The following GRIP1 variants were observed in gnomAD, a reference collection of about 807,000 sequenced individuals.
The protein encoded by GRIP1 is glutamate receptor-interacting protein 1.
GRIP1 carries 45 observed loss-of-function variants against 129.9 expected under a neutral mutation model. That is an observed-to-expected ratio of 0.35 (90% CI 0.27 to 0.44). The LOEUF is 0.44. Among genes scored for constraint, GRIP1 ranks in the 20% least tolerant of loss-of-function variants. The pLI is 1.00. For synonymous variants in GRIP1, 530 were observed against 520.8 expected, an observed-to-expected ratio of 1.02 and a Z score of -0.24; for missense variants, 1,196 against 1,396.8, an observed-to-expected ratio of 0.86 and a Z score of 2.29.
chr12:66,885,309 C>T (rs2137208434), intron 1 of GRIP1, among the ~76,000 whole-genome samples: 1 of 152,280 alleles, frequency 6.6e-6, no homozygotes, highest in African/African-American at 2.4e-5. Flanking sequence ...CACACCAGTT[C>T]CCCTTGGCAC....
At chr12:66,610,236 A>G (rs1038623926) in intron 1 of GRIP1, among the ~76,000 whole-genome samples, 1 of 152,160 alleles carries the variant, frequency 6.6e-6, no homozygotes, top group African/African-American at 2.4e-5. Flanking sequence ...GCATATATAT[A>G]TATAAACACA....
intron 14 of GRIP1, among the ~76,000 whole-genome samples, chr12:66,432,124 T>C (rs2058166727): frequency 6.6e-6 from 1 of 152,074 alleles, no homozygotes; most frequent in African/African-American, 2.4e-5. Flanking sequence ...ATAATATATA[T>C]TATACGATAT....
intron 16 of GRIP1, among the ~76,000 whole-genome samples, chr12:66,395,144 G>T (rs797010231): frequency 7.9e-5 from 12 of 152,308 alleles, no homozygotes; most frequent in African/African-American, 2.6e-4. Flanking sequence ...TAAAGCACTG[G>T]CCAGAAAGAT....
intron 1 of GRIP1, among the ~76,000 whole-genome samples, chr12:66,950,293 C>T (rs1048297148): frequency 6.6e-6 from 1 of 152,138 alleles, no homozygotes; most frequent in Non-Finnish European, 1.5e-5. Context: ...AGCTAGTGTA[C>T]AATTTATACT....
At chr12:66,735,178 G>A (rs1280285172) in intron 1 of GRIP1, among the ~76,000 whole-genome samples, 1 of 152,162 alleles carries the variant, frequency 6.6e-6, no homozygotes, top group Non-Finnish European at 1.5e-5. Flanking sequence ...ATTTATAGGA[G>A]CGTGATTGTT....
At chr12:66,970,991 C>G (rs2042067752) in intron 1 of GRIP1, among the ~76,000 whole-genome samples, 1 of 152,114 alleles carries the variant, frequency 6.6e-6, no homozygotes, top group African/African-American at 2.4e-5. Context: ...TATCTTGGCT[C>G]TTTGCTGTGA....
At chr12:66,785,718 C>T (rs557944593) in intron 1 of GRIP1, among the ~76,000 whole-genome samples, 131 of 152,022 alleles carry the variant, frequency 8.6e-4, no homozygotes, top group Non-Finnish European at 1.5e-3. Flanking sequence ...TAAAATAAAG[C>T]CAAACAAAAC....
intron 15 of GRIP1, among the ~76,000 whole-genome samples, chr12:66,413,270 A>C (rs190687739): frequency 6.6e-5 from 10 of 152,280 alleles, no homozygotes; most frequent in African/African-American, 2.4e-4. Flanking sequence ...AGACCACAGC[A>C]CAATCAAATT....
intron 1 of GRIP1, among the ~76,000 whole-genome samples, chr12:66,830,582 C>T (rs1442450634): frequency 6.6e-6 from 1 of 152,196 alleles, no homozygotes; most frequent in Non-Finnish European, 1.5e-5. Context: ...GATGAAACCC[C>T]TTTCAGACTT....
chr12:66,925,859 G>A (rs989070246), intron 1 of GRIP1, among the ~76,000 whole-genome samples: 5 of 152,136 alleles, frequency 3.3e-5, no homozygotes, highest in Non-Finnish European at 7.4e-5. Flanking sequence ...GGTCAGGCTG[G>A]TCTCAAACTC....
intron 1 of GRIP1, among the ~76,000 whole-genome samples, chr12:67,036,851 C>T (rs993862460): frequency 2.0e-5 from 3 of 152,094 alleles, no homozygotes; most frequent in African/African-American, 7.2e-5. Context: ...GCCTCTCAAC[C>T]TCCTCCTGCC....
At chr12:66,912,513 G>T (rs1257241625) in intron 1 of GRIP1, among the ~76,000 whole-genome samples, 1 of 152,020 alleles carries the variant, frequency 6.6e-6, no homozygotes, top group Non-Finnish European at 1.5e-5. Context: ...AATTATATTT[G>T]ATTCATATCT....
chr12:66,794,277 G>A (rs2038633044), intron 1 of GRIP1, among the ~76,000 whole-genome samples: 1 of 152,138 alleles, frequency 6.6e-6, no homozygotes, highest in African/African-American at 2.4e-5. Flanking sequence ...GGTTTCTGTG[G>A]GTGGCTTATG....
chr12:66,948,473 T>C (rs1450644411), intron 1 of GRIP1, among the ~76,000 whole-genome samples: 1 of 152,154 alleles, frequency 6.6e-6, no homozygotes. Context: ...AAAAAGATAC[T>C]CAAGATGAAT....
In GRIP1 at chr12:66,813,313, A is replaced by G. The variant is rs1190583802; in HGVS notation, c.59-216386T>C. Among the ~76,000 whole-genome samples, 5 of 152,186 alleles carry G rather than the reference A, an allele frequency of 3.3e-5. No homozygotes were observed. The East Asian group carries it at 7.7e-4, about 23-fold the overall frequency. ...GAACTAATAGAGAGAGAACTCACTC[A>G]TCACCAAAGAATGACACTAAGCCAT... On this transcript the variant is annotated intron_variant, in intron 1 of 1. Transcript: ENST00000643019.
At chr12:66,893,296 GAGTAC>G (rs769224689) in intron 1 of GRIP1, among the ~76,000 whole-genome samples, 24 of 150,544 alleles carry the variant, frequency 1.6e-4, no homozygotes, top group Non-Finnish European at 3.2e-4. Context: ...TGCCCAGGCT[GAGTAC>G]AGTGGTGCGA....
chr12:66,455,459 C>G lies in GRIP1; in HGVS notation c.1304G>C (p.Arg435Pro), dbSNP rs201531171. 5 of 1,614,108 alleles carry G rather than the reference C, an allele frequency of 3.1e-6. No individual in the cohort carries two copies. The highest frequency in any genetic ancestry group is 4.2e-6 in the Non-Finnish European group (5 of 1,179,988). Residue 435 changes from arginine to proline, a missense_variant, in exon 11 of 25, where the codon CGT becomes CCT. Transcript: ENST00000359742. ...LPRSLYSTSPRGTMMRRRLKK... is the reference protein window; with the variant it reads ...LPRSLYSTSPPGTMMRRRLKK... Reference sequence around the variant, plus strand: ...CAGTCTCCTCCTCATCATGGTTCCACGTGGGCTGGTGGAGTAGAGGCTTCG... The same window carrying G: ...CAGTCTCCTCCTCATCATGGTTCCAGGTGGGCTGGTGGAGTAGAGGCTTCG...
chr12:67,048,981 C>T (rs1273384771), intron 1 of GRIP1, among the ~76,000 whole-genome samples: 3 of 152,048 alleles, frequency 2.0e-5, no homozygotes, highest in Admixed American at 6.6e-5. Flanking sequence ...TGTACTCCCA[C>T]ACCTGGCTAA....
In GRIP1 at chr12:66,425,551, A is replaced by G. The variant is rs192254468; in HGVS notation, c.1769-4762T>C. On this transcript the variant is annotated intron_variant, in intron 14 of 24. Coordinates refer to ENST00000359742, the MANE Select transcript of GRIP1 (RefSeq NM_001366722.1). ...ATGTTTATTGGGCACTATTCAGGATAGCAAAGACTTAGAACCAACCCAAAT... is the reference window on the plus strand; with the variant it reads ...ATGTTTATTGGGCACTATTCAGGATGGCAAAGACTTAGAACCAACCCAAAT... Among the ~76,000 whole-genome samples the G allele has an allele frequency of 2.5e-3, 388 of 152,334 alleles. 11 individuals carry two copies. The highest frequency in any genetic ancestry group is 0.024 in the Admixed American group (363 of 15,294).
Sources: gnomAD v4.1 joint callset for allele counts (sites outside exome capture counted in the v4.1 genomes callset) on GRCh38, gnomAD v4.1.1 for gene constraint, MANE v1.5 for transcripts, NCBI Gene and HGNC (gene_info 2026-07-23, HGNC 2026-07-21) for gene names.